CTNNA3: variants seen among roughly 807,000 people sequenced by gnomAD.
CTNNA3 encodes the protein catenin alpha-3.
CTNNA3 carries 76 observed loss-of-function variants against 95.7 expected under a neutral mutation model. The ratio of observed to expected loss-of-function variants is 0.79; its 90% CI spans 0.66 to 0.96. The LOEUF (loss-of-function observed/expected upper bound fraction) is 0.96. Among genes scored for constraint, CTNNA3 ranks in the 40% least tolerant of loss-of-function variants. CTNNA3 has a pLI of 0.00. For missense variants in CTNNA3, 1,191 were observed against 1,089.8 expected (o/e 1.09, Z -1.31); for synonymous variants, 431 against 374.4 (o/e 1.15, Z -1.74).
chr10:66,403,350 A>ATAAAGAC (rs2093034602), intron 11 of CTNNA3, among the ~76,000 whole-genome samples: 2 of 152,140 alleles, frequency 1.3e-5, no homozygotes, highest in Admixed American at 6.5e-5. Context: ...GTGACCAGGT[A>ATAAAGAC]ATTGATAAAG....
At chr10:66,550,282 C>A (rs929835510) in intron 10 of CTNNA3, among the ~76,000 whole-genome samples, 1 of 152,068 alleles carries the variant, frequency 6.6e-6, no homozygotes, top group Non-Finnish European at 1.5e-5. Context: ...CATGATATAT[C>A]ATTTTCTTTT....
At chr10:66,470,535 T>C (rs1356679994) in intron 11 of CTNNA3, among the ~76,000 whole-genome samples, 1 of 151,902 alleles carries the variant, frequency 6.6e-6, no homozygotes, top group Non-Finnish European at 1.5e-5. Flanking sequence ...AGCATTTGAA[T>C]GAAGCATTCT....
At chr10:66,753,611 G>A (rs369215618) in intron 9 of CTNNA3, among the ~76,000 whole-genome samples, 92 of 151,250 alleles carry the variant, frequency 6.1e-4, no homozygotes, top group African/African-American at 2.1e-3. Flanking sequence ...TCAGTGAGCC[G>A]AGATTGCACC....
At chr10:67,252,549 C>G (rs895933478) in intron 5 of CTNNA3, among the ~76,000 whole-genome samples, 1 of 152,202 alleles carries the variant, frequency 6.6e-6, no homozygotes, top group African/African-American at 2.4e-5. Context: ...TTCTCTAACT[C>G]TTTCTGTCTC....
intron 5 of CTNNA3, among the ~76,000 whole-genome samples, chr10:67,252,830 T>G (rs1564513882): frequency 6.6e-6 from 1 of 152,220 alleles, no homozygotes; most frequent in Non-Finnish European, 1.5e-5. Flanking sequence ...ACACATTTTC[T>G]GTTTATGTCT....
chr10:66,402,036 A>G (rs528279679), intron 11 of CTNNA3, among the ~76,000 whole-genome samples: 1 of 152,292 alleles, frequency 6.6e-6, no homozygotes, highest in South Asian at 2.1e-4. Context: ...AAAATGCTCA[A>G]AGTGGAAAAT....
chr10:67,583,739 T>C (rs1370094300), intron 3 of CTNNA3, among the ~76,000 whole-genome samples: 4 of 152,248 alleles, frequency 2.6e-5, no homozygotes, highest in African/African-American at 9.6e-5. Context: ...CCCCTATTTC[T>C]TGGAGGCTTT....
chr10:66,162,478 T>G (rs1272264269), intron 13 of CTNNA3, among the ~76,000 whole-genome samples: 3 of 152,118 alleles, frequency 2.0e-5, no homozygotes, highest in Non-Finnish European at 4.4e-5. Flanking sequence ...TTGTCTCCCT[T>G]CTGGGTCTAG....
chr10:65,936,709 CTA>C (rs1338322790), intron 17 of CTNNA3, among the ~76,000 whole-genome samples: 3 of 152,122 alleles, frequency 2.0e-5, no homozygotes, highest in South Asian at 2.1e-4. Context: ...AGCAAATAGT[CTA>C]TGTTGAAAAC....
At chr10:67,179,801 T>C (rs372739475) in intron 7 of CTNNA3, among the ~76,000 whole-genome samples, 29 of 152,252 alleles carry the variant, frequency 1.9e-4, no homozygotes, top group South Asian at 1.4e-3. Context: ...CACTTGAGCC[T>C]GGGCAACAGA....
At chr10:67,056,171 T>C (rs1855417265) in intron 7 of CTNNA3, among the ~76,000 whole-genome samples, 1 of 152,188 alleles carries the variant, frequency 6.6e-6, no homozygotes, top group African/African-American at 2.4e-5. Flanking sequence ...ATGGAATTTA[T>C]ATCACATAAG....
chr10:66,674,023 T>G (rs1449636021), intron 9 of CTNNA3, among the ~76,000 whole-genome samples: 2 of 150,312 alleles, frequency 1.3e-5, no homozygotes, highest in East Asian at 3.9e-4. Flanking sequence ...CTTGTTAATT[T>G]TTTTTTTGGT....
chr10:67,002,406 G>C (rs888445903), intron 7 of CTNNA3, among the ~76,000 whole-genome samples: 2 of 152,060 alleles, frequency 1.3e-5, no homozygotes, highest in African/African-American at 4.8e-5. Flanking sequence ...AGTGAGAAAT[G>C]TTTTAATTTT....
chr10:66,059,803 T>C lies in CTNNA3; in HGVS notation c.2159+9505A>G, dbSNP rs149357585. The stretch of plus-strand genomic sequence containing the variant: ...ATTTTTCAAGTAAAAACACATCACA[T>C]TGTATCTTGAAATATACAATTTCAT... On this transcript the variant is annotated intron_variant, in intron 15 of 17. Coordinates refer to ENST00000433211, the MANE Select transcript of CTNNA3 (RefSeq NM_013266.4). 2.2e-3 allele frequency among the ~76,000 whole-genome samples: 335 copies of C among 152,232 alleles called. 1 individual carries two copies. Among genetic ancestry groups the C allele is most frequent in the African/African-American group, 7.1e-3 (297 of 41,562 alleles).
intron 7 of CTNNA3, among the ~76,000 whole-genome samples, chr10:66,989,929 T>G (rs1233820868): frequency 6.6e-6 from 1 of 152,162 alleles, no homozygotes; most frequent in East Asian, 1.9e-4. Flanking sequence ...TCAAGAAATA[T>G]TTGTTGAACT....
chr10:67,726,019 T>C (rs1276405421), intron 1 of CTNNA3, among the ~76,000 whole-genome samples: 1 of 133,740 alleles, frequency 7.5e-6, no homozygotes, highest in Non-Finnish European at 1.5e-5. Flanking sequence ...TAAATCCACA[T>C]ATTTATAAAT....
chr10:67,150,516 G>C (rs1186048629), intron 7 of CTNNA3, among the ~76,000 whole-genome samples: 1 of 152,102 alleles, frequency 6.6e-6, no homozygotes, highest in Non-Finnish European at 1.5e-5. Context: ...GATCATGTTA[G>C]TAACATTCTT....
chr10:66,198,982 T>G (rs1246978087), intron 13 of CTNNA3, among the ~76,000 whole-genome samples: 1 of 152,228 alleles, frequency 6.6e-6, no homozygotes, highest in Admixed American at 6.5e-5. Context: ...TAGGAATAAG[T>G]GTGAGTAGCC....
At chr10:65,982,236 A>G (rs543222351) in intron 16 of CTNNA3, among the ~76,000 whole-genome samples, 30 of 152,002 alleles carry the variant, frequency 2.0e-4, no homozygotes, top group African/African-American at 6.7e-4. Flanking sequence ...GCCAACAAGC[A>G]TATGAAAAAA....
Sources: gnomAD v4.1 joint callset for allele counts (sites outside exome capture counted in the v4.1 genomes callset) on GRCh38, gnomAD v4.1.1 for gene constraint, MANE v1.5 for transcripts, NCBI Gene and HGNC (gene_info 2026-07-23, HGNC 2026-07-21) for gene names.